Variants in ST7 observed in about 807,000 individuals in gnomAD.
ST7 encodes suppressor of tumorigenicity 7 protein.
Under a neutral mutation model 78.7 loss-of-function variants are expected in ST7, and 28 were observed. The observed-to-expected ratio is 0.36, with a 90% CI of 0.26 to 0.49. ST7 has a LOEUF of 0.49. Ranked by LOEUF, ST7 falls within the 20% of genes least tolerant of loss-of-function variation. The pLI is 0.99. For missense variants in ST7, 418 were observed against 696.0 expected (o/e 0.60, Z 4.49); for synonymous variants, 247 against 249.6 (o/e 0.99, Z 0.10).
intron 1 of ST7, among the ~76,000 whole-genome samples, chr7:117,071,144 G>A (rs535746895): frequency 7.2e-5 from 11 of 152,152 alleles, no homozygotes; most frequent in Admixed American, 2.0e-4. Context: ...GCGTGAACCC[G>A]GGAGGCGGAG....
At chr7:116,965,542 C>G (rs1041017119) in intron 1 of ST7, among the ~76,000 whole-genome samples, 2 of 152,056 alleles carry the variant, frequency 1.3e-5, no homozygotes, top group African/African-American at 4.8e-5. Flanking sequence ...CAAACCTGCA[C>G]GTTCTGCACA....
At chr7:116,993,485 C>T (rs999238955) in intron 1 of ST7, among the ~76,000 whole-genome samples, 2 of 152,148 alleles carry the variant, frequency 1.3e-5, no homozygotes, top group African/African-American at 4.8e-5. Flanking sequence ...TACCTCCCAC[C>T]GGCTCCCTCC....
chr7:117,158,910 T>C (rs1057278390), intron 9 of ST7, among the ~76,000 whole-genome samples: 7 of 152,228 alleles, frequency 4.6e-5, no homozygotes, highest in African/African-American at 7.2e-5. Flanking sequence ...ATCTGCTCTT[T>C]GAATATGATA....
chr7:116,968,369 C>G (rs1296736951), intron 1 of ST7: 1 of 410,420 alleles, frequency 2.4e-6, no homozygotes, highest in Admixed American at 2.6e-5. Context: ...CTTCCTTCTT[C>G]TTCCTTCTTT....
chr7:117,210,567 G>A (rs985163087), intron 13 of ST7, among the ~76,000 whole-genome samples: 2 of 152,162 alleles, frequency 1.3e-5, no homozygotes, highest in African/African-American at 4.8e-5. Context: ...CCTGCATGTC[G>A]TCTAATTGGG....
intron 1 of ST7, among the ~76,000 whole-genome samples, chr7:117,074,081 A>T (rs911258210): frequency 1.3e-5 from 2 of 152,220 alleles, no homozygotes; most frequent in African/African-American, 2.4e-5. Context: ...AGATATTGTT[A>T]TATGATTTCC....
intron 1 of ST7, among the ~76,000 whole-genome samples, chr7:117,064,906 C>T (rs1263303540): frequency 6.6e-6 from 1 of 152,094 alleles, no homozygotes; most frequent in Admixed American, 6.5e-5. Flanking sequence ...TTAATTTATC[C>T]TCATTAAAAC....
chr7:116,988,443 T>A (rs1453719961), intron 1 of ST7, among the ~76,000 whole-genome samples: 2 of 152,234 alleles, frequency 1.3e-5, no homozygotes, highest in Non-Finnish European at 1.5e-5. Context: ...GCATTTAGTT[T>A]TTACTGTATT....
At chr7:117,058,871 A>G (rs1798200781) in intron 1 of ST7, among the ~76,000 whole-genome samples, 1 of 152,216 alleles carries the variant, frequency 6.6e-6, no homozygotes, top group Non-Finnish European at 1.5e-5. Context: ...CATAAAAAAG[A>G]ATGAGAGCCT....
intron 2 of ST7, among the ~76,000 whole-genome samples, chr7:117,110,565 T>C (rs1802345974): frequency 6.6e-6 from 1 of 152,186 alleles, no homozygotes; most frequent in East Asian, 1.9e-4. Flanking sequence ...ACCCAGGCCA[T>C]CTTGTGCAGG....
intron 8 of ST7, chr7:117,136,469 C>G (rs948851383): frequency 1.2e-5 from 7 of 604,300 alleles, no homozygotes; most frequent in Non-Finnish European, 2.0e-5. Flanking sequence ...GATTCCTAAC[C>G]GCAGAAATAA....
intron 12 of ST7, among the ~76,000 whole-genome samples, chr7:117,200,417 A>G (rs1455548814): frequency 6.6e-6 from 1 of 152,158 alleles, no homozygotes. Flanking sequence ...CAGAGCCAGT[A>G]CCCGTTCCTT....
intron 1 of ST7, among the ~76,000 whole-genome samples, chr7:117,018,840 G>A (rs1795741652): frequency 6.6e-6 from 1 of 152,182 alleles, no homozygotes; most frequent in South Asian, 2.1e-4. Context: ...TCCCGCAACA[G>A]ATGATTTGTT....
chr7:117,073,285 A>T (rs1282164671), intron 1 of ST7: 3 of 152,184 alleles, frequency 2.0e-5, no homozygotes, highest in Non-Finnish European at 4.4e-5. Flanking sequence ...TTAGAAATAA[A>T]AAACCATTCA....
At chr7:117,063,426 G>C (rs970197929) in intron 1 of ST7, among the ~76,000 whole-genome samples, 1 of 152,138 alleles carries the variant, frequency 6.6e-6, no homozygotes, top group Non-Finnish European at 1.5e-5. Context: ...AAGTATTTCA[G>C]GGCCAGGCAC....
intron 1 of ST7, among the ~76,000 whole-genome samples, chr7:116,991,472 CA>C (rs1229929374): frequency 4.6e-5 from 7 of 152,094 alleles, no homozygotes; most frequent in Non-Finnish European, 1.0e-4. Context: ...GAGGAAGATG[CA>C]AAAGCAGAAA....
intron 13 of ST7, among the ~76,000 whole-genome samples, chr7:117,217,632 G>A (rs1792792470): frequency 6.6e-6 from 1 of 152,174 alleles, no homozygotes; most frequent in Non-Finnish European, 1.5e-5. Flanking sequence ...CTTTGTTTGC[G>A]TGCAAGAAAA....
chr7:117,067,359 T>C (rs1467114333), intron 1 of ST7, among the ~76,000 whole-genome samples: 1 of 152,072 alleles, frequency 6.6e-6, no homozygotes, highest in African/African-American at 2.4e-5. Context: ...AAACCAGAGC[T>C]TGACAGCATT....
At chr7:116,974,627 G>A (rs182701741) in intron 1 of ST7, among the ~76,000 whole-genome samples, 230 of 152,110 alleles carry the variant, frequency 1.5e-3, no homozygotes, top group African/African-American at 5.3e-3. Context: ...GCACATTGAG[G>A]GAAGAGTTTA....
Sources: allele counts gnomAD v4.1 joint callset (sites outside exome capture counted in the v4.1 genomes callset), GRCh38; gene constraint gnomAD v4.1.1; transcripts MANE v1.5; gene names NCBI Gene and HGNC (gene_info 2026-07-23, HGNC 2026-07-21).